The following MYO1F variants were observed in gnomAD, a reference collection of about 807,000 sequenced individuals.
MYO1F encodes the protein unconventional myosin-If.
Under a neutral mutation model 146.6 loss-of-function variants are expected in MYO1F, and 60 were observed. The ratio of observed to expected loss-of-function variants is 0.41; its 90% CI spans 0.33 to 0.51. The LOEUF is 0.51. Ranked by LOEUF, MYO1F falls within the 20% of genes least tolerant of loss-of-function variation. MYO1F has a pLI of 0.25. For synonymous variants in MYO1F, 602 were observed against 602.1 expected, an observed-to-expected ratio of 1.00 and a Z score of 0.00; for missense variants, 1,274 against 1,534.3, an observed-to-expected ratio of 0.83 and a Z score of 2.83.
intron 1 of MYO1F, among the ~76,000 whole-genome samples, chr19:8,569,438 C>G (rs1010844332): frequency 6.6e-6 from 1 of 152,098 alleles, no homozygotes; most frequent in African/African-American, 2.4e-5. Context: ...CGGGGACAAC[C>G]TTCCTGGTAT....
At chr19:8,565,434 C>T (rs79504417) in intron 1 of MYO1F, among the ~76,000 whole-genome samples, 2,205 of 151,786 alleles carry the variant, frequency 0.015, 62 homozygotes, top group African/African-American at 0.051. Flanking sequence ...CCCAGCTACT[C>T]GGGAGGCTGA....
chr19:8,554,836 A>AAGCAATGGAGT, intron 2 of MYO1F, 93 bp from the exon 3 acceptor site: 1 of 1,176,780 alleles, frequency 8.5e-7, no homozygotes, highest in Non-Finnish European at 1.3e-6. Flanking sequence ...CTAAAACTCC[A>AAGCAATGGAGT]TTGCTTGGAG....
intron 2 of MYO1F, chr19:8,555,406 AGAAC>A (rs143376679): frequency 4.6e-5 from 15 of 322,964 alleles, no homozygotes; most frequent in South Asian, 8.7e-5. Context: ...AAAAAAAAAA[AGAAC>A]AAACAGGGTT....
intron 2 of MYO1F, chr19:8,555,295 G>A (rs113312019): frequency 0.097 from 26,095 of 269,518 alleles, 1,624 homozygotes; most frequent in East Asian, 0.13. Context: ...ATTTGAATCC[G>A]GGAGGTGGAG....
intron 15 of MYO1F, 199 bp downstream of exon 15, chr19:8,541,707 G>C: frequency 3.2e-6 from 2 of 619,530 alleles, no homozygotes; most frequent in Non-Finnish European, 5.9e-6. Flanking sequence ...GGGATTACAG[G>C]CGTGAGCCAC....
chr19:8,525,295 G>T, intron 25 of MYO1F, 184 bp downstream of exon 25: 2 of 498,542 alleles, frequency 4.0e-6, no homozygotes, highest in South Asian at 2.1e-5. Context: ...TTTGGGTTTT[G>T]AAGGGCTCTG....
intron 1 of MYO1F, among the ~76,000 whole-genome samples, chr19:8,571,260 G>T (rs539982724): frequency 7.9e-5 from 12 of 152,206 alleles, no homozygotes; most frequent in Non-Finnish European, 1.8e-4. Flanking sequence ...CTGCCCTGGT[G>T]CCTGAGGGTG....
rs1376690525 is a variant in MYO1F, at chr19:8,552,291, C to T, written c.505-127G>A. On this transcript the variant is annotated intron_variant, in intron 6 of 27. Transcript: ENST00000644032. ...CTTTTTTTTTTGAGACAGAATCTGA[C>T]TCTGTTGCTCAGGCTGGGATTCAGT... The T allele has an allele frequency of 1.3e-5, 14 of 1,041,468 alleles. No homozygotes were observed. The African/African-American group carries it at 1.4e-4, about 11-fold the overall frequency. 64.5% of individuals were successfully genotyped at this position (1,041,468 alleles called of 1,614,324 possible). A position where few individuals can be genotyped will look rare whatever the true frequency, so the allele number is the denominator to read the frequency against.
chr19:8,577,369 G>T lies in MYO1F; in HGVS notation c.-60C>A. ...CTGAATGGGTCGTGATGGAGGTGCA[G>T]GTTCAGGGGGATCTTGGGGGTGGCT... On this transcript the variant is annotated 5_prime_UTR_variant, in exon 1 of 28. It adds an upstream start codon to the 5' untranslated region. Coordinates refer to ENST00000644032, the MANE Select transcript of MYO1F (RefSeq NM_012335.4). This position sits in a 1 kb window ranked among gnomAD's most constrained non-coding sequence, Gnocchi z 4.3. 6.2e-7 allele frequency: 1 copy of T among 1,603,758 alleles called. No individual in the cohort carries two copies. Among genetic ancestry groups the T allele is most frequent in the East Asian group, 2.2e-5 (1 of 44,830 alleles).
chr19:8,548,044 C>A lies in MYO1F; in HGVS notation c.1261G>T (p.Ala421Ser). ...QQIFIELTLK[A>S]EQEEYVQEGI... ...ACTGCTTGGCCGCCCACCTGCTCGG[C>A]CTTCAGGGTAAGTTCGATAAAGATT... The change falls in exon 12 of 28, where the codon GCC becomes TCC. Residue 421 changes from alanine to serine, a missense_variant. Around this residue, in one of 2 missense-constraint regions of MYO1F, gnomAD observed 900 missense variants for 1,155.1 expected, o/e 0.78. Coordinates refer to ENST00000644032, the MANE Select transcript of MYO1F (RefSeq NM_012335.4). 6.2e-7 allele frequency: 1 copy of A among 1,610,860 alleles called. No homozygotes were observed. Among genetic ancestry groups the A allele is most frequent in the South Asian group, 1.1e-5 (1 of 90,964 alleles).
chr19:8,523,084 T>G (rs965922207), intron 25 of MYO1F, among the ~76,000 whole-genome samples: 3 of 151,334 alleles, frequency 2.0e-5, no homozygotes, highest in Admixed American at 6.6e-5. Flanking sequence ...CAGGCTGGAG[T>G]GCAGTGGCGC....
At chr19:8,548,989 GC>G (rs1973490927) in intron 10 of MYO1F, among the ~76,000 whole-genome samples, 1 of 151,580 alleles carries the variant, frequency 6.6e-6, no homozygotes. Flanking sequence ...TCATTCTGTT[GC>G]CCAGGCTGGA....
At chr19:8,526,111 G>A (rs1179594721) in intron 24 of MYO1F, among the ~76,000 whole-genome samples, 1 of 152,120 alleles carries the variant, frequency 6.6e-6, no homozygotes, top group Non-Finnish European at 1.5e-5. Context: ...GGTGGAGCAT[G>A]AGGTAATGAG....
At position 8,577,276 on chromosome 19, in the gene MYO1F, T is replaced by C. The variant is rs4542783; in HGVS notation, c.3+31A>G. 770,359 of 1,611,020 alleles carry C rather than the reference T, an allele frequency of 0.48. 188,583 individuals carry two copies. Among genetic ancestry groups the C allele is most frequent in the East Asian group, 0.76 (34,036 of 44,806 alleles). On this transcript the variant is annotated intron_variant, in intron 1 of 27. Transcript: ENST00000644032. This position sits in a 1 kb window ranked among gnomAD's most constrained non-coding sequence, Gnocchi z 4.3. The stretch of plus-strand genomic sequence containing the variant: ...ACCTGGCTGGTGTCCCTCCTCTTTC[T>C]TCTTCCAGATCCCACCCTTGAAGGA...
intron 27 of MYO1F, among the ~76,000 whole-genome samples, chr19:8,522,092 G>A (rs1020060176): frequency 2.0e-5 from 3 of 149,798 alleles, no homozygotes; most frequent in Non-Finnish European, 3.0e-5. Context: ...GCGCAATCTC[G>A]GCTCACTGCA....
chr19:8,565,695 G>A (rs1288322719), intron 1 of MYO1F, among the ~76,000 whole-genome samples: 1 of 152,098 alleles, frequency 6.6e-6, no homozygotes, highest in Non-Finnish European at 1.5e-5. Flanking sequence ...GACAGGCACA[G>A]CTGTGTCAGT....
chr19:8,555,808 GA>G lies in MYO1F; in HGVS notation c.4-13del, dbSNP rs1323359659. The G allele has an allele frequency of 1.6e-5, 26 of 1,609,132 alleles. No individual in the cohort carries two copies. Among genetic ancestry groups the G allele is most frequent in the African/African-American group, 2.7e-5 (2 of 74,840 alleles). On this transcript the variant is annotated splice_polypyrimidine_tract_variant and intron_variant, in intron 1 of 27. Coordinates refer to ENST00000644032, the MANE Select transcript of MYO1F (RefSeq NM_012335.4). ...CGCTCCTTGCTGCCCTGGGGGGTGAGAGGGGGGTCGGGGTGAGCCCTTGCAC... is the reference window on the plus strand; with the variant it reads ...CGCTCCTTGCTGCCCTGGGGGGTGAGGGGGGGTCGGGGTGAGCCCTTGCAC...
chr19:8,558,564 C>A (rs979862188), intron 1 of MYO1F, among the ~76,000 whole-genome samples: 1 of 152,050 alleles, frequency 6.6e-6, no homozygotes, highest in African/African-American at 2.4e-5. Context: ...CTCCTTTTAG[C>A]CCGACTGAAT....
chr19:8,521,298 A>C lies in MYO1F; in HGVS notation c.*230T>G. On this transcript the variant is annotated 3_prime_UTR_variant, in exon 28 of 28. Coordinates refer to ENST00000644032, the MANE Select transcript of MYO1F (RefSeq NM_012335.4). The stretch of plus-strand genomic sequence containing the variant: ...TTAGTCCCCTTTGACACACACAGAA[A>C]TGGAGAATGGGCAGCAGGTGTGATG... 1 of 583,850 alleles carries C rather than the reference A, an allele frequency of 1.7e-6. No homozygotes were observed. 36.2% of individuals were successfully genotyped at this position (583,850 alleles called of 1,614,324 possible).
Sources: gnomAD v4.1 joint callset for allele counts (sites outside exome capture counted in the v4.1 genomes callset) on GRCh38, gnomAD v4.1.1 for gene constraint, gnomAD v4.1.1 regional missense constraint, Gnocchi (gnomAD v3.1) non-coding constraint, MANE v1.5 for transcripts, NCBI Gene and HGNC (gene_info 2026-07-23, HGNC 2026-07-21) for gene names.